METAP1D: variants seen among roughly 807,000 people sequenced by gnomAD.
METAP1D encodes the protein methionyl aminopeptidase type 1D, mitochondrial, also known as methionine aminopeptidase 1D, mitochondrial.
In METAP1D, 31 loss-of-function variants were observed where a neutral mutation model predicts 40.5. The observed-to-expected ratio is 0.77, with a 90% CI of 0.58 to 1.03. The LOEUF (loss-of-function observed/expected upper bound fraction) is 1.03. Among genes scored for constraint, METAP1D ranks in the 50% least tolerant of loss-of-function variants. The probability of loss-of-function intolerance (pLI) is 0.00; values close to 1 mark genes in which losing one functional copy is unlikely to be tolerated. For missense variants in METAP1D, 411 were observed against 420.7 expected (o/e 0.98, Z 0.20); for synonymous variants, 151 against 146.4 (o/e 1.03, Z -0.22).
At chr2:172,061,187 G>C (rs955368767) in intron 1 of METAP1D, among the ~76,000 whole-genome samples, 1 of 152,182 alleles carries the variant, frequency 6.6e-6, no homozygotes. Context: ...GCCACATAAG[G>C]TATTACAGCA....
intron 1 of METAP1D, among the ~76,000 whole-genome samples, chr2:172,029,854 A>T (rs941733627): frequency 6.6e-6 from 1 of 152,122 alleles, no homozygotes; most frequent in Non-Finnish European, 1.5e-5. Context: ...TCCCAGGTTC[A>T]AGCAATTCTA....
chr2:172,077,905 T>C lies in METAP1D; in HGVS notation c.802+11T>C. Reference sequence around the variant, plus strand: ...AAATTTGGCATCATGGTAAGAAAGTTCATTTGGAGGCTGTTTCTTGATCAG... The same window carrying C: ...AAATTTGGCATCATGGTAAGAAAGTCCATTTGGAGGCTGTTTCTTGATCAG... On this transcript the variant is annotated intron_variant, in intron 7 of 9. Coordinates refer to ENST00000315796, the MANE Select transcript of METAP1D (RefSeq NM_199227.3). 6.9e-7 allele frequency: 1 copy of C among 1,458,198 alleles called. No homozygotes were observed. The highest frequency in any genetic ancestry group is 9.6e-7 in the Non-Finnish European group (1 of 1,041,576). The allele number at this position is 1,458,198 out of a possible 1,614,324, so 90.3% of individuals were successfully genotyped here.
chr2:172,058,390 A>T (rs1210726579), intron 1 of METAP1D, among the ~76,000 whole-genome samples: 1 of 152,234 alleles, frequency 6.6e-6, no homozygotes, highest in Non-Finnish European at 1.5e-5. Context: ...AGCTGAAACA[A>T]AAGTCCAGGC....
chr2:172,064,109 G>A (rs1006321697), intron 3 of METAP1D: 27 of 377,744 alleles, frequency 7.1e-5, no homozygotes, highest in Non-Finnish European at 9.6e-5. Context: ...GAATTCTAGA[G>A]ATACTTTGGT....
intron 1 of METAP1D, among the ~76,000 whole-genome samples, chr2:172,017,286 TAC>T (rs1369797925): frequency 6.7e-6 from 1 of 150,282 alleles, no homozygotes; most frequent in Non-Finnish European, 1.5e-5. Flanking sequence ...TTTATATATA[TAC>T]ACATATATAA....
intron 1 of METAP1D, among the ~76,000 whole-genome samples, chr2:172,026,383 T>C (rs570641356): frequency 4.3e-4 from 66 of 152,326 alleles, no homozygotes; most frequent in Non-Finnish European, 7.2e-4. Flanking sequence ...GATAGCGTCT[T>C]GTACATCTTT....
rs1417497812 is a variant in METAP1D at position 172,034,091 on chromosome 2, AAAC to A, written c.41-27404_41-27402del. ...GACTTCATCTCAAAAAAAAAAAAAA[AAAC>A]AAAAGTCCTCATCTTTTGGATGTAC... is the stretch of plus-strand genomic sequence containing the variant. On this transcript the variant is annotated intron_variant, in intron 1 of 9. Transcript: ENST00000315796. 3.7e-3 allele frequency among the ~76,000 whole-genome samples: 542 copies of A among 146,818 alleles called. 16 individuals are homozygous for A. Among genetic ancestry groups the A allele is most frequent in the African/African-American group, 0.013 (493 of 37,736 alleles).
At chr2:172,025,285 A>G (rs890888263) in intron 1 of METAP1D, among the ~76,000 whole-genome samples, 2 of 150,420 alleles carry the variant, frequency 1.3e-5, no homozygotes, top group African/African-American at 4.9e-5. Flanking sequence ...GATGGGTATT[A>G]TATTAACTGA....
At chr2:172,029,435 CTTAT>C (rs1391518452) in intron 1 of METAP1D, among the ~76,000 whole-genome samples, 1 of 152,096 alleles carries the variant, frequency 6.6e-6, no homozygotes, top group Non-Finnish European at 1.5e-5. Context: ...AGAAGAAGTA[CTTAT>C]TTATTTGCTT....
chr2:172,036,777 AG>A (rs1436777470), intron 1 of METAP1D, among the ~76,000 whole-genome samples: 4 of 152,216 alleles, frequency 2.6e-5, no homozygotes, highest in African/African-American at 9.6e-5. Flanking sequence ...CATAATTGAC[AG>A]GCAGTTTTCC....
Position 172,019,141 on chromosome 2 carries a change from G to A in METAP1D, c.40+19132G>A, listed in dbSNP as rs150973599. 4.8e-3 allele frequency among the ~76,000 whole-genome samples: 727 copies of A among 152,190 alleles called. 5 individuals carry two copies. Among genetic ancestry groups the A allele is most frequent in the African/African-American group, 0.016 (668 of 41,508 alleles). ...CTGAGGTGGGAGGATCACTTGAGAC[G>A]AGGAGTTCAAGACCAGCTTGGGCAA... On this transcript the variant is annotated intron_variant, in intron 1 of 9. Transcript: ENST00000315796.
intron 1 of METAP1D, among the ~76,000 whole-genome samples, chr2:172,059,519 A>T (rs1690083573): frequency 6.6e-6 from 1 of 152,180 alleles, no homozygotes; most frequent in African/African-American, 2.4e-5. Context: ...TCCTCCATAG[A>T]CATTTGTAAG....
intron 1 of METAP1D, among the ~76,000 whole-genome samples, chr2:172,055,181 G>A (rs1048463256): frequency 6.6e-6 from 1 of 152,152 alleles, no homozygotes; most frequent in South Asian, 2.1e-4. Flanking sequence ...CCAAAACACC[G>A]TGTGCAGTGA....
At chr2:172,014,246 G>C (rs1157340511) in intron 1 of METAP1D, among the ~76,000 whole-genome samples, 4 of 151,870 alleles carry the variant, frequency 2.6e-5, no homozygotes, top group African/African-American at 9.7e-5. Context: ...CAAGTAGCTG[G>C]GATTACAGGC....
intron 8 of METAP1D, among the ~76,000 whole-genome samples, 169 bp from the exon 9 acceptor site, chr2:172,079,959 A>G (rs997492944): frequency 5.3e-5 from 8 of 152,210 alleles, no homozygotes; most frequent in African/African-American, 1.9e-4. Flanking sequence ...TTTGTAGTAT[A>G]CTATGTAAGC....
intron 1 of METAP1D, among the ~76,000 whole-genome samples, chr2:172,060,678 C>G (rs970358517): frequency 1.3e-5 from 2 of 152,080 alleles, no homozygotes; most frequent in African/African-American, 4.8e-5. Flanking sequence ...TTTAATAGCT[C>G]CAGAATTTTC....
intron 1 of METAP1D, among the ~76,000 whole-genome samples, chr2:172,055,969 C>G (rs917092357): frequency 6.6e-6 from 1 of 152,138 alleles, no homozygotes; most frequent in African/African-American, 2.4e-5. Context: ...GTGAATGTCT[C>G]AAAAGCCTCA....
intron 1 of METAP1D, among the ~76,000 whole-genome samples, chr2:172,002,990 A>G (rs1053096309): frequency 1.3e-5 from 2 of 152,104 alleles, no homozygotes; most frequent in African/African-American, 4.8e-5. Context: ...GCTCCTTACT[A>G]GATTATTAAT....
chr2:172,024,736 A>C (rs1689084344), intron 1 of METAP1D, among the ~76,000 whole-genome samples: 1 of 128,056 alleles, frequency 7.8e-6, no homozygotes, highest in Non-Finnish European at 1.7e-5. Context: ...CTCCTTTTTA[A>C]AGACATATAG....
Sources: gnomAD v4.1 joint callset for allele counts (sites outside exome capture counted in the v4.1 genomes callset) on GRCh38, gnomAD v4.1.1 for gene constraint, MANE v1.5 for transcripts, NCBI Gene and HGNC (gene_info 2026-07-23, HGNC 2026-07-21) for gene names.